The following APBB2 variants were observed in gnomAD, a reference collection of about 807,000 sequenced individuals.
The protein encoded by APBB2 is amyloid beta precursor protein binding family B member 2.
A neutral mutation model predicts 82.5 loss-of-function variants in APBB2; 38 were observed. The observed-to-expected ratio is 0.46, with a 90% confidence interval of 0.36 to 0.60. The LOEUF is 0.60. Among genes scored for constraint, APBB2 ranks in the 20% least tolerant of loss-of-function variants. The pLI, the probability that APBB2 is intolerant of heterozygous loss-of-function variation, is 0.00. For synonymous variants in APBB2, 341 were observed against 368.2 expected (o/e 0.93, Z 0.85); for missense variants, 772 against 972.3 (o/e 0.79, Z 2.74).
chr4:40,895,426 C>A (rs548851522), intron 10 of APBB2, among the ~76,000 whole-genome samples: 2 of 152,228 alleles, frequency 1.3e-5, no homozygotes, highest in African/African-American at 4.8e-5. Context: ...AGGGAACCAG[C>A]CCGATGGTGA....
intron 4 of APBB2, among the ~76,000 whole-genome samples, chr4:41,045,357 G>T (rs961695039): frequency 3.3e-5 from 5 of 152,012 alleles, no homozygotes; most frequent in Non-Finnish European, 4.4e-5. Context: ...GCAGTGGCGT[G>T]ATCTCGGCTC....
intron 1 of APBB2, among the ~76,000 whole-genome samples, chr4:41,167,688 T>G (rs1767043273): frequency 1.3e-5 from 2 of 152,210 alleles, no homozygotes; most frequent in Non-Finnish European, 2.9e-5. Flanking sequence ...GCAATATTCC[T>G]TCTAATGGTG....
rs118030586 is a variant in APBB2, at chr4:41,167,616, G to A, written c.-416-24474C>T. ...TAAAACAGTAGTGAATAATGCAAGT[G>A]CCTCCTCAGCATTGTATGGAAGTCA... On this transcript the variant is annotated intron_variant, in intron 1 of 17. Coordinates refer to ENST00000508593, the MANE Select transcript of APBB2 (RefSeq NM_004307.2). Among the ~76,000 whole-genome samples the A allele has an allele frequency of 1.1e-3, 174 of 152,264 alleles. 7 individuals are homozygous for A. The East Asian group carries it at 0.032, about 28-fold the overall frequency.
At chr4:40,820,151 G>A (rs956668403) in intron 17 of APBB2, among the ~76,000 whole-genome samples, 1 of 152,208 alleles carries the variant, frequency 6.6e-6, no homozygotes, top group Admixed American at 6.5e-5. Context: ...ATGAAGCCCA[G>A]GGGCTTCACA....
intron 6 of APBB2, among the ~76,000 whole-genome samples, chr4:40,987,882 G>A (rs1012195412): frequency 6.6e-6 from 1 of 151,992 alleles, no homozygotes; most frequent in Non-Finnish European, 1.5e-5. Context: ...AGGAGAGAAG[G>A]GTAAATAAAA....
intron 6 of APBB2, among the ~76,000 whole-genome samples, chr4:40,979,794 C>A (rs143512484): frequency 4.2e-4 from 64 of 152,328 alleles, no homozygotes; most frequent in Admixed American, 9.1e-4. Context: ...GACCCCATGT[C>A]TCAGAAGAGA....
chr4:41,153,108 A>T (rs1301401814), intron 1 of APBB2, among the ~76,000 whole-genome samples: 1 of 152,190 alleles, frequency 6.6e-6, no homozygotes, highest in Middle Eastern at 3.4e-3. Flanking sequence ...TCAATTTTAG[A>T]TTTTCAGATT....
intron 12 of APBB2, among the ~76,000 whole-genome samples, chr4:40,862,923 T>C (rs999972965): frequency 6.6e-6 from 1 of 150,790 alleles, no homozygotes; most frequent in Non-Finnish European, 1.5e-5. Flanking sequence ...AACAGACTCC[T>C]CGCTTTTTTT....
intron 4 of APBB2, among the ~76,000 whole-genome samples, chr4:41,062,524 T>G (rs1402163958): frequency 6.6e-6 from 1 of 151,994 alleles, no homozygotes; most frequent in East Asian, 1.9e-4. Flanking sequence ...AAGGGAGGAA[T>G]GGAGAACAAA....
intron 12 of APBB2, 58 bp from the exon 13 acceptor site, chr4:40,830,635 T>G: frequency 1.9e-6 from 2 of 1,035,372 alleles, no homozygotes; most frequent in Non-Finnish European, 3.0e-6. Flanking sequence ...CAACACATAC[T>G]TTAGTTATGA....
intron 1 of APBB2, among the ~76,000 whole-genome samples, chr4:41,168,712 AC>A (rs1418882728): frequency 2.0e-5 from 3 of 152,214 alleles, no homozygotes; most frequent in Non-Finnish European, 4.4e-5. Flanking sequence ...CCCTGATCAA[AC>A]CTAAGCCTAA....
rs1307419146 is a variant in APBB2, at chr4:41,000,059, A to ATGTGTGTGTG, written c.835+13523_835+13524insCACACACACA. 1.1e-3 allele frequency among the ~76,000 whole-genome samples: 99 copies of ATGTGTGTGTG among 92,944 alleles called. 1 individual carries two copies. Among genetic ancestry groups the ATGTGTGTGTG allele is most frequent in the East Asian group, 6.6e-3 (14 of 2,134 alleles). The allele number at this position is 92,944 out of a possible 152,430, so 61.0% of individuals were successfully genotyped here. A position where few individuals can be genotyped will look rare whatever the true frequency, so the allele number is the denominator to read the frequency against. ...TGTGTGTGTGTATGTATATGTATAT[A>ATGTGTGTGTG]TATGTGTGTATGTGTGTGTGTGTGT... On this transcript the variant is annotated intron_variant, in intron 6 of 17. Coordinates refer to ENST00000508593, the MANE Select transcript of APBB2 (RefSeq NM_004307.2).
chr4:40,970,379 C>A (rs1009128581), intron 6 of APBB2, among the ~76,000 whole-genome samples: 3 of 152,108 alleles, frequency 2.0e-5, no homozygotes, highest in Non-Finnish European at 4.4e-5. Context: ...GTTTCAATCT[C>A]ATTTTTTTTC....
chr4:41,018,435 A>C (rs948799091), intron 5 of APBB2, among the ~76,000 whole-genome samples: 1 of 152,192 alleles, frequency 6.6e-6, no homozygotes, highest in African/African-American at 2.4e-5. Flanking sequence ...ATTATCATCA[A>C]GGGAGCCTGA....
intron 10 of APBB2, among the ~76,000 whole-genome samples, chr4:40,894,929 C>G (rs1201895664): frequency 6.6e-6 from 1 of 152,172 alleles, no homozygotes; most frequent in African/African-American, 2.4e-5. Context: ...GCAAGCTGTC[C>G]AGCAGTTGCA....
intron 6 of APBB2, among the ~76,000 whole-genome samples, chr4:41,001,481 C>G (rs981347057): frequency 3.9e-5 from 6 of 152,288 alleles, no homozygotes; most frequent in African/African-American, 1.4e-4. Context: ...TCAAGTAACA[C>G]GCAGGGAGAA....
intron 6 of APBB2, among the ~76,000 whole-genome samples, chr4:40,976,052 C>T (rs1317785929): frequency 6.6e-6 from 1 of 151,674 alleles, no homozygotes; most frequent in Non-Finnish European, 1.5e-5. Context: ...TTCTTTCTGG[C>T]CAAAAATATT....
At chr4:41,145,801 C>A (rs1760552081) in intron 1 of APBB2, among the ~76,000 whole-genome samples, 1 of 152,232 alleles carries the variant, frequency 6.6e-6, no homozygotes, top group African/African-American at 2.4e-5. Flanking sequence ...GATGCATGCA[C>A]CAGTGTTAGA....
chr4:41,013,837 T>C lies in APBB2; in HGVS notation c.581A>G (p.Gln194Arg). The C allele has an allele frequency of 1.2e-6, 2 of 1,614,218 alleles. No individual in the cohort carries two copies. Among genetic ancestry groups the C allele is most frequent in the Non-Finnish European group, 1.7e-6 (2 of 1,180,040 alleles). ...CCCAATGATGGTGGAGGCCTGGCCC[T>C]GGACTGGCTGGGATTTCTCTTCCGC... ...GTAEEKSQPV[Q>R]GQASTIIGNG... The change falls in exon 6 of 18, where the codon CAG (glutamine) becomes CGG (arginine). Residue 194 changes from glutamine to arginine, a missense_variant. Gln to Arg is a conservative substitution (Grantham distance 43). Coordinates refer to ENST00000508593, the MANE Select transcript of APBB2 (RefSeq NM_004307.2).
Sources: gnomAD v4.1 joint callset for allele counts (sites outside exome capture counted in the v4.1 genomes callset) on GRCh38, gnomAD v4.1.1 for gene constraint, MANE v1.5 for transcripts, NCBI Gene and HGNC (gene_info 2026-07-23, HGNC 2026-07-21) for gene names.